ATG10: variants seen among roughly 807,000 people sequenced by gnomAD.
ATG10 encodes the protein autophagy related 10.
In ATG10, 30 loss-of-function variants were observed where a neutral mutation model predicts 32.1. The observed-to-expected ratio is 0.94, with a 90% CI of 0.70 to 1.27. The LOEUF is 1.27. Among genes scored for constraint, ATG10 ranks in the 50% most tolerant of loss-of-function variants. The pLI is 0.00. For synonymous variants in ATG10, 87 were observed against 91.5 expected, an observed-to-expected ratio of 0.95 and a Z score of 0.28; for missense variants, 233 against 262.3, an observed-to-expected ratio of 0.89 and a Z score of 0.77.
At chr5:82,139,139 C>CA (rs1766921257) in intron 3 of ATG10, among the ~76,000 whole-genome samples, 1 of 145,198 alleles carries the variant, frequency 6.9e-6, no homozygotes, top group African/African-American at 2.6e-5. Context: ...CTCGTTCACT[C>CA]AGTGCTCAAT....
intron 1 of ATG10, among the ~76,000 whole-genome samples, chr5:81,974,375 A>C (rs1405087655): frequency 6.6e-6 from 1 of 152,196 alleles, no homozygotes; most frequent in Non-Finnish European, 1.5e-5. Context: ...GTTGCTGAAA[A>C]CTGCAGAGAC....
intron 4 of ATG10, 105 bp from the exon 5 acceptor site, chr5:82,178,385 G>A: frequency 1.4e-6 from 1 of 702,702 alleles, no homozygotes; most frequent in Non-Finnish European, 2.6e-6. Context: ...GTGCACTGAA[G>A]ATCTTTCTAA....
At chr5:81,976,461 G>A (rs1760878752) in intron 1 of ATG10, 1 of 152,192 alleles carries the variant, frequency 6.6e-6, no homozygotes, top group Admixed American at 6.5e-5. Flanking sequence ...CAGTGCCCTG[G>A]GTTCCTACAT....
intron 3 of ATG10, among the ~76,000 whole-genome samples, chr5:82,096,775 T>G (rs1474615949): frequency 6.6e-6 from 1 of 152,180 alleles, no homozygotes; most frequent in Non-Finnish European, 1.5e-5. Flanking sequence ...CTAATGCCCT[T>G]GCTTAACAAA....
At chr5:81,976,186 T>G (rs1240024364) in intron 1 of ATG10, 4 of 150,992 alleles carry the variant, frequency 2.6e-5, no homozygotes, top group Admixed American at 6.6e-5. Flanking sequence ...TTTTTTTGTA[T>G]TTTTAGTAGA....
intron 3 of ATG10, among the ~76,000 whole-genome samples, chr5:82,108,081 G>C (rs1052577890): frequency 6.6e-6 from 1 of 151,968 alleles, no homozygotes. Flanking sequence ...CTTGAAATCC[G>C]TGCTAAGTGC....
chr5:82,205,646 C>T (rs1745260179), intron 5 of ATG10, among the ~76,000 whole-genome samples: 1 of 152,146 alleles, frequency 6.6e-6, no homozygotes, highest in Non-Finnish European at 1.5e-5. Context: ...CATGTGAAAT[C>T]TGCTGTCAGA....
chr5:82,200,463 C>CTTTTTT lies in ATG10; in HGVS notation c.453+21899_453+21904dup, dbSNP rs764388608. 1.9e-4 allele frequency among the ~76,000 whole-genome samples: 10 copies of CTTTTTT among 52,556 alleles called. 1 individual carries two copies. Among genetic ancestry groups the CTTTTTT allele is most frequent in the East Asian group, 1.1e-3 (2 of 1,884 alleles). 34.5% of individuals were successfully genotyped at this position (52,556 alleles called of 152,430 possible). A position where few individuals can be genotyped will look rare whatever the true frequency, so the allele number is the denominator to read the frequency against. ...ATCTTTTCAAATCTTTCCCTAACTTCTTTTTTTTTTTTTTTTTTTTTTTTT... is the reference window on the plus strand; with the variant it reads ...ATCTTTTCAAATCTTTCCCTAACTTCTTTTTTTTTTTTTTTTTTTTTTTTTTTTTTT... On this transcript the variant is annotated intron_variant, in intron 5 of 7. Coordinates refer to ENST00000282185, the MANE Select transcript of ATG10 (RefSeq NM_031482.5).
chr5:82,014,865 T>G (rs1762235620), intron 2 of ATG10, among the ~76,000 whole-genome samples: 1 of 152,208 alleles, frequency 6.6e-6, no homozygotes, highest in African/African-American at 2.4e-5. Flanking sequence ...TTTGATCCTG[T>G]CATTATGATG....
chr5:81,995,205 A>T (rs189481081), intron 2 of ATG10, among the ~76,000 whole-genome samples: 4 of 152,258 alleles, frequency 2.6e-5, no homozygotes, highest in Admixed American at 2.6e-4. Context: ...ATCTCGACTC[A>T]CTGCAACCTC....
intron 3 of ATG10, among the ~76,000 whole-genome samples, chr5:82,063,646 T>A (rs1763855674): frequency 6.6e-6 from 1 of 151,880 alleles, no homozygotes; most frequent in Admixed American, 6.6e-5. Context: ...GCACCCATCA[T>A]CATGCCTGGC....
At chr5:82,148,887 C>T (rs1767468989) in intron 3 of ATG10, among the ~76,000 whole-genome samples, 1 of 152,098 alleles carries the variant, frequency 6.6e-6, no homozygotes, top group Non-Finnish European at 1.5e-5. Flanking sequence ...CTATCAAGCT[C>T]TTCCCATTGC....
intron 3 of ATG10, among the ~76,000 whole-genome samples, chr5:82,093,779 AT>A (rs1360389794): frequency 6.6e-6 from 1 of 151,970 alleles, no homozygotes; most frequent in African/African-American, 2.4e-5. Context: ...CAGTTATGTT[AT>A]TTGGAAATAG....
chr5:82,222,616 A>G (rs1031576850), intron 5 of ATG10, among the ~76,000 whole-genome samples: 1 of 152,234 alleles, frequency 6.6e-6, no homozygotes, highest in African/African-American at 2.4e-5. Flanking sequence ...AAATAGAGAA[A>G]GATTCATATA....
intron 2 of ATG10, among the ~76,000 whole-genome samples, chr5:82,037,406 C>G (rs1183796694): frequency 6.8e-6 from 1 of 147,302 alleles, no homozygotes; most frequent in South Asian, 2.2e-4. Flanking sequence ...CGCCACTACG[C>G]CCGGCTAATT....
intron 2 of ATG10, among the ~76,000 whole-genome samples, chr5:82,054,369 C>CT (rs1356046783): frequency 6.6e-6 from 1 of 152,146 alleles, no homozygotes; most frequent in Non-Finnish European, 1.5e-5. Context: ...TGGGGTGAGG[C>CT]TTGAGATTCT....
At chr5:82,052,398 G>A (rs905772092) in intron 2 of ATG10, among the ~76,000 whole-genome samples, 1 of 152,070 alleles carries the variant, frequency 6.6e-6, no homozygotes, top group Non-Finnish European at 1.5e-5. Context: ...AATGCAATCG[G>A]CACTACACTA....
At chr5:82,216,260 G>A (rs1399399783) in intron 5 of ATG10, among the ~76,000 whole-genome samples, 1 of 152,192 alleles carries the variant, frequency 6.6e-6, no homozygotes, top group Non-Finnish European at 1.5e-5. Context: ...GCAACAAAAA[G>A]AGATTCAACT....
chr5:81,995,340 G>A lies in ATG10; in HGVS notation c.108+7662G>A, dbSNP rs181954330. Among the ~76,000 whole-genome samples the A allele has an allele frequency of 1.6e-4, 24 of 152,048 alleles. No homozygotes were observed. The East Asian group carries it at 4.1e-3, about 26-fold the overall frequency. ...TTTTTTTTGGTAGAGAGGGGGTGTC[G>A]CCATGTTGGCCAGGCTGGTCTCGAA... On this transcript the variant is annotated intron_variant, in intron 2 of 7. Coordinates refer to ENST00000282185, the MANE Select transcript of ATG10 (RefSeq NM_031482.5).
Sources: gnomAD v4.1 joint callset for allele counts (sites outside exome capture counted in the v4.1 genomes callset) on GRCh38, gnomAD v4.1.1 for gene constraint, MANE v1.5 for transcripts, NCBI Gene and HGNC (gene_info 2026-07-23, HGNC 2026-07-21) for gene names.